TFDP2: variants seen among roughly 807,000 people sequenced by gnomAD.
TFDP2 encodes the protein transcription factor Dp-2 (E2F dimerization partner 2).
In TFDP2, 17 loss-of-function variants were observed where a neutral mutation model predicts 59.3. That is an observed-to-expected ratio of 0.29 (90% CI 0.20 to 0.43). The LOEUF (loss-of-function observed/expected upper bound fraction) is 0.43, where lower values mean the gene tolerates loss of function less well. TFDP2 is among the 20% of genes least tolerant of loss of function. The pLI is 1.00. For missense variants in TFDP2, 391 were observed against 528.8 expected, an observed-to-expected ratio of 0.74 and a Z score of 2.56; for synonymous variants, 180 against 194.7, an observed-to-expected ratio of 0.92 and a Z score of 0.63.
At chr3:142,070,730 A>G (rs1430587786) in intron 3 of TFDP2, among the ~76,000 whole-genome samples, 1 of 152,198 alleles carries the variant, frequency 6.6e-6, no homozygotes. Context: ...TTGATTATTT[A>G]TCATTATATA....
chr3:142,004,980 A>G (rs1006420541), intron 4 of TFDP2, among the ~76,000 whole-genome samples: 1 of 152,252 alleles, frequency 6.6e-6, no homozygotes, highest in Non-Finnish European at 1.5e-5. Context: ...TCAAAACTTG[A>G]CCAGATACAT....
At chr3:142,077,321 G>A (rs151112637) in intron 3 of TFDP2, among the ~76,000 whole-genome samples, 162 of 152,254 alleles carry the variant, frequency 1.1e-3, no homozygotes, top group Non-Finnish European at 2.2e-3. Flanking sequence ...GACATCGGGG[G>A]CACACAACCT....
chr3:142,109,088 C>A (rs2061566157), intron 1 of TFDP2, among the ~76,000 whole-genome samples: 1 of 152,160 alleles, frequency 6.6e-6, no homozygotes, highest in Admixed American at 6.5e-5. Flanking sequence ...TCTGTCTCTG[C>A]CAACTAAAGT....
chr3:142,122,227 G>A (rs977080013), intron 1 of TFDP2, among the ~76,000 whole-genome samples: 3 of 152,032 alleles, frequency 2.0e-5, no homozygotes, highest in Non-Finnish European at 4.4e-5. Flanking sequence ...AAATAACAGT[G>A]CATCAAAAGT....
chr3:142,136,633 A>G (rs1016514188), intron 1 of TFDP2, among the ~76,000 whole-genome samples: 2 of 152,076 alleles, frequency 1.3e-5, no homozygotes, highest in Admixed American at 1.3e-4. Context: ...TCAGCTTTCT[A>G]CATATGGCTA....
At position 142,117,968 on chromosome 3, in the gene TFDP2, T is replaced by G. The variant is rs1369316017; in HGVS notation, c.-92-16127A>C. On this transcript the variant is annotated intron_variant, in intron 1 of 12. Coordinates refer to ENST00000489671, the MANE Select transcript of TFDP2 (RefSeq NM_001178139.2). ...CAGAAATTAGCCGGGTGTGGTGGCA[T>G]GCGCCTGTAATCCCAGCTACTCGGG... 2.0e-5 allele frequency among the ~76,000 whole-genome samples: 3 copies of G among 152,004 alleles called. No homozygotes were observed. The East Asian group carries it at 5.8e-4, about 29-fold the overall frequency.
intron 3 of TFDP2, among the ~76,000 whole-genome samples, chr3:142,034,566 C>T (rs1054395997): frequency 2.6e-5 from 4 of 152,180 alleles, no homozygotes; most frequent in African/African-American, 9.7e-5. Flanking sequence ...TATCCAACTG[C>T]TCAAATGAAC....
At chr3:141,966,387 G>A (rs1004127308) in intron 9 of TFDP2, among the ~76,000 whole-genome samples, 1 of 151,700 alleles carries the variant, frequency 6.6e-6, no homozygotes, top group African/African-American at 2.4e-5. Context: ...TGGCCAGGCT[G>A]GTCTCGAACT....
Position 142,125,298 on chromosome 3 carries a change from G to A in TFDP2, c.-92-23457C>T, listed in dbSNP as rs917642839. Among the ~76,000 whole-genome samples, 6 of 152,200 alleles carry A rather than the reference G, an allele frequency of 3.9e-5. No individual in the cohort carries two copies. In the South Asian group the frequency reaches 8.3e-4, roughly 21 times the overall value. Reference sequence around the variant, plus strand: ...AGAGAAATGTAAAATAAGGTTTCAAGACAAGATGAAAAGACTGATACCAAT... The same window carrying A: ...AGAGAAATGTAAAATAAGGTTTCAAAACAAGATGAAAAGACTGATACCAAT... On this transcript the variant is annotated intron_variant, in intron 1 of 12. Coordinates refer to ENST00000489671, the MANE Select transcript of TFDP2 (RefSeq NM_001178139.2).
chr3:142,123,623 ATTAC>A (rs1168853902), intron 1 of TFDP2, among the ~76,000 whole-genome samples: 3 of 152,152 alleles, frequency 2.0e-5, no homozygotes, highest in Admixed American at 2.0e-4. Flanking sequence ...GTGATGAATA[ATTAC>A]TTAATAGGAT....
intron 3 of TFDP2, among the ~76,000 whole-genome samples, chr3:142,063,159 C>T (rs1336998035): frequency 6.6e-6 from 1 of 152,060 alleles, no homozygotes; most frequent in Non-Finnish European, 1.5e-5. Context: ...GGATATGTTA[C>T]AAATACAGAA....
At chr3:142,027,786 G>C (rs1164969401) in intron 3 of TFDP2, among the ~76,000 whole-genome samples, 2 of 152,088 alleles carry the variant, frequency 1.3e-5, no homozygotes. Context: ...TTAGGGGTAA[G>C]ATTTTCTTCA....
In TFDP2 at chr3:142,102,445, G is replaced by A. The variant is rs568111099; in HGVS notation, c.-92-604C>T. On this transcript the variant is annotated intron_variant, in intron 1 of 12. Transcript: ENST00000489671. ...AATCCAGGATTACTGGGGCTAAAGG[G>A]GGAGATGAGAAATTCTTTGCAGTAG... Among the ~76,000 whole-genome samples, 5 of 152,262 alleles carry A rather than the reference G, an allele frequency of 3.3e-5. No individual in the cohort carries two copies. In the South Asian group the frequency reaches 1.0e-3, roughly 32 times the overall value.
At chr3:142,079,404 A>G (rs1022868168) in intron 3 of TFDP2, among the ~76,000 whole-genome samples, 3 of 152,204 alleles carry the variant, frequency 2.0e-5, no homozygotes, top group African/African-American at 7.2e-5. Context: ...CCTCCAAAAA[A>G]GCAAATCTAA....
chr3:142,092,204 C>T (rs1364209071), intron 3 of TFDP2, among the ~76,000 whole-genome samples: 1 of 152,122 alleles, frequency 6.6e-6, no homozygotes, highest in Non-Finnish European at 1.5e-5. Context: ...CAATTCCAGA[C>T]ATCATATAAT....
intron 3 of TFDP2, among the ~76,000 whole-genome samples, chr3:142,014,144 G>T (rs76210781): frequency 0.07 from 10,585 of 152,080 alleles, 471 homozygotes; most frequent in Non-Finnish European, 0.11. Context: ...AAATAAAAGT[G>T]TTTGGTTTGT....
intron 3 of TFDP2, among the ~76,000 whole-genome samples, chr3:142,038,596 T>C (rs1013826610): frequency 2.0e-5 from 3 of 152,104 alleles, no homozygotes; most frequent in Non-Finnish European, 4.4e-5. Flanking sequence ...TCCAAAATAC[T>C]GCACATGCTC....
chr3:142,113,094 A>G (rs1375346101), intron 1 of TFDP2, among the ~76,000 whole-genome samples: 4 of 152,176 alleles, frequency 2.6e-5, no homozygotes, highest in Non-Finnish European at 4.4e-5. Flanking sequence ...TAAACCATTA[A>G]TTCACTCATG....
intron 9 of TFDP2, among the ~76,000 whole-genome samples, chr3:141,966,423 G>A (rs922193569): frequency 6.6e-6 from 1 of 151,622 alleles, no homozygotes; most frequent in South Asian, 2.1e-4. Flanking sequence ...TGCCCACCTC[G>A]GCCTCCCAAA....
Sources: allele counts gnomAD v4.1 joint callset (sites outside exome capture counted in the v4.1 genomes callset), GRCh38; gene constraint gnomAD v4.1.1; transcripts MANE v1.5; gene names NCBI Gene and HGNC (gene_info 2026-07-23, HGNC 2026-07-21).